The following DCC variants were observed in gnomAD, a reference collection of about 807,000 sequenced individuals.
DCC encodes DCC netrin 1 receptor.
A neutral mutation model predicts 172.5 loss-of-function variants in DCC; 58 were observed. The ratio of observed to expected loss-of-function variants is 0.34; its 90% CI spans 0.27 to 0.42. DCC has a LOEUF of 0.42. Among genes scored for constraint, DCC ranks in the 10% least tolerant of loss-of-function variants. DCC has a pLI of 1.00. For missense variants in DCC, 1,740 were observed against 1,791.0 expected (o/e 0.97, Z 0.51); for synonymous variants, 709 against 644.5 (o/e 1.10, Z -1.52).
chr18:53,441,011 A>G (rs910620966), intron 22 of DCC, among the ~76,000 whole-genome samples: 3 of 152,230 alleles, frequency 2.0e-5, no homozygotes, highest in Non-Finnish European at 4.4e-5. Flanking sequence ...GATGTTTAGC[A>G]GCATCTCTGG....
At position 53,305,610 on chromosome 18, in the gene DCC, A is replaced by G. The variant is rs2057190820; in HGVS notation, c.1944A>G (p.Ser648=). The change falls in exon 13 of 29, where the codon TCA becomes TCG. Residue 648 remains serine, a synonymous_variant. Coordinates refer to ENST00000442544, the MANE Select transcript of DCC (RefSeq NM_005215.4). ...AAGTTAGCTGGCTGCCTCCTCCATC[A>G]GGAACACAAAATGGATTTATTACCG... is the stretch of plus-strand genomic sequence containing the variant. ...SIKVSWLPPP[S]GTQNGFITGY... is the part of the protein sequence containing the mutation. The G allele has an allele frequency of 1.2e-6, 2 of 1,613,300 alleles. No homozygotes were observed. The highest frequency in any genetic ancestry group is 8.5e-7 in the Non-Finnish European group (1 of 1,179,278).
intron 1 of DCC, among the ~76,000 whole-genome samples, chr18:52,442,864 C>T (rs1269124650): frequency 6.6e-6 from 1 of 152,148 alleles, no homozygotes; most frequent in Non-Finnish European, 1.5e-5. Context: ...TCTGCAGGGG[C>T]CAGGCAGTCA....
At chr18:53,449,760 G>A (rs919201027) in intron 22 of DCC, among the ~76,000 whole-genome samples, 31 of 152,092 alleles carry the variant, frequency 2.0e-4, no homozygotes, top group African/African-American at 6.5e-4. Context: ...TATCTTATGC[G>A]CCATAAACTC....
At chr18:53,329,121 T>TA (rs2057502612) in intron 14 of DCC, among the ~76,000 whole-genome samples, 3 of 152,232 alleles carry the variant, frequency 2.0e-5, no homozygotes, top group East Asian at 1.9e-4. Context: ...AGGCAGTTTT[T>TA]TAAAAAAATA....
At chr18:53,354,112 A>G (rs1347537074) in intron 15 of DCC, among the ~76,000 whole-genome samples, 2 of 152,326 alleles carry the variant, frequency 1.3e-5, no homozygotes, top group East Asian at 1.9e-4. Flanking sequence ...TTATGGCTGC[A>G]TAGTATCCCA....
chr18:53,278,876 A>T (rs2056835847), intron 12 of DCC, among the ~76,000 whole-genome samples: 1 of 152,162 alleles, frequency 6.6e-6, no homozygotes, highest in Non-Finnish European at 1.5e-5. Context: ...CAAAGAACTG[A>T]CAGCTGTTAA....
At chr18:52,375,942 A>AT (rs1985327003) in intron 1 of DCC, among the ~76,000 whole-genome samples, 1 of 152,188 alleles carries the variant, frequency 6.6e-6, no homozygotes, top group African/African-American at 2.4e-5. Flanking sequence ...AGTCTGTAGA[A>AT]TTTTAGAGAG....
At chr18:52,975,175 T>C (rs907694112) in intron 5 of DCC, among the ~76,000 whole-genome samples, 1 of 152,168 alleles carries the variant, frequency 6.6e-6, no homozygotes, top group Admixed American at 6.6e-5. Flanking sequence ...AATTATCTTT[T>C]TACAGTTCTG....
At chr18:52,422,008 A>C (rs1987266167) in intron 1 of DCC, among the ~76,000 whole-genome samples, 2 of 152,162 alleles carry the variant, frequency 1.3e-5, no homozygotes, top group African/African-American at 2.4e-5. Context: ...TCATGTTTTA[A>C]TAATGTTTTC....
chr18:52,618,870 C>T (rs1464787750), intron 1 of DCC, among the ~76,000 whole-genome samples: 2 of 152,172 alleles, frequency 1.3e-5, no homozygotes, highest in African/African-American at 2.4e-5. Context: ...ACAAGATTCT[C>T]TTGATTATAC....
At chr18:53,349,360 A>G (rs1347597026) in intron 15 of DCC, among the ~76,000 whole-genome samples, 1 of 152,156 alleles carries the variant, frequency 6.6e-6, no homozygotes, top group Non-Finnish European at 1.5e-5. Flanking sequence ...TTTTGGGCAA[A>G]GCCATTCAAC....
chr18:53,441,772 C>A (rs1462648543), intron 22 of DCC, among the ~76,000 whole-genome samples: 1 of 152,162 alleles, frequency 6.6e-6, no homozygotes, highest in African/African-American at 2.4e-5. Context: ...CACCACTGAC[C>A]CCTCTCCACA....
chr18:53,036,705 C>T (rs1159993749), intron 5 of DCC, among the ~76,000 whole-genome samples: 1 of 151,920 alleles, frequency 6.6e-6, no homozygotes, highest in East Asian at 1.9e-4. Context: ...AATATGCACC[C>T]CTAATCCTAT....
At chr18:52,583,183 G>A (rs868000464) in intron 1 of DCC, among the ~76,000 whole-genome samples, 6 of 151,944 alleles carry the variant, frequency 3.9e-5, no homozygotes, top group African/African-American at 9.7e-5. Context: ...GATCTGTTTC[G>A]TTCTCTTTTG....
chr18:52,528,618 C>T (rs577835704), intron 1 of DCC, among the ~76,000 whole-genome samples: 1 of 151,990 alleles, frequency 6.6e-6, no homozygotes, highest in Non-Finnish European at 1.5e-5. Context: ...CACATTACCC[C>T]TCAAGAGCAG....
chr18:53,133,418 T>A (rs1227400830), intron 7 of DCC, among the ~76,000 whole-genome samples: 4 of 152,212 alleles, frequency 2.6e-5, no homozygotes, highest in Admixed American at 6.5e-5. Flanking sequence ...TTTTACAAGA[T>A]TTAAAGATGA....
intron 2 of DCC, among the ~76,000 whole-genome samples, chr18:52,817,064 A>T (rs1323773524): frequency 1.3e-5 from 2 of 152,178 alleles, no homozygotes; most frequent in African/African-American, 4.8e-5. Flanking sequence ...CAGACGTTAT[A>T]TTACATTGAC....
At chr18:53,385,553 A>G (rs1908100927) in intron 15 of DCC, among the ~76,000 whole-genome samples, 1 of 152,158 alleles carries the variant, frequency 6.6e-6, no homozygotes. Context: ...GCCCAGTGCT[A>G]GAGAGGAGAC....
intron 2 of DCC, among the ~76,000 whole-genome samples, chr18:52,769,786 T>C (rs1265546678): frequency 6.6e-6 from 1 of 152,250 alleles, no homozygotes; most frequent in Non-Finnish European, 1.5e-5. Flanking sequence ...GTGTCTAGAT[T>C]ATTTTTCTTT....
Sources: gnomAD v4.1 joint callset for allele counts (sites outside exome capture counted in the v4.1 genomes callset) on GRCh38, gnomAD v4.1.1 for gene constraint, MANE v1.5 for transcripts, NCBI Gene and HGNC (gene_info 2026-07-23, HGNC 2026-07-21) for gene names.